The following SLC25A43 variants were observed in gnomAD, a reference collection of about 807,000 sequenced individuals.
SLC25A43 encodes solute carrier family 25 member 43, also known as solute carrier family 25, member 43.
In SLC25A43, 10 loss-of-function variants were observed where a neutral mutation model predicts 22.8. The ratio of observed to expected loss-of-function variants is 0.44; its 90% CI spans 0.27 to 0.74. The LOEUF (loss-of-function observed/expected upper bound fraction) is 0.74, where lower values mean the gene tolerates loss of function less well. Ranked by LOEUF, SLC25A43 falls within the 30% of genes least tolerant of loss-of-function variation. SLC25A43 has a pLI of 0.17. For synonymous variants in SLC25A43, 106 were observed against 121.6 expected (o/e 0.87, Z 0.84); for missense variants, 233 against 279.1 (o/e 0.83, Z 1.18).
At chrX:119,416,455 A>G (rs866525765) in intron 3 of SLC25A43, among the ~76,000 whole-genome samples, 10 of 112,204 alleles carry the variant, frequency 8.9e-5, no homozygotes, top group African/African-American at 3.2e-4. Flanking sequence ...TCCTGGCCTC[A>G]TGATCTGCCC....
intron 1 of SLC25A43, among the ~76,000 whole-genome samples, chrX:119,404,523 C>G (rs1229802727): frequency 8.9e-6 from 1 of 111,918 alleles, no homozygotes; most frequent in African/African-American, 3.2e-5. Context: ...GCACGCCACC[C>G]TTCAGGAACC....
At chrX:119,450,000 C>A (rs1185542585) in intron 3 of SLC25A43, among the ~76,000 whole-genome samples, 1 of 111,379 alleles carries the variant, frequency 9.0e-6, no homozygotes, top group Non-Finnish European at 1.9e-5. Flanking sequence ...AAGAATAAAT[C>A]TGACACTGTC....
intron 3 of SLC25A43, among the ~76,000 whole-genome samples, chrX:119,434,257 C>T (rs1174789052): frequency 1.8e-5 from 2 of 109,683 alleles, no homozygotes; most frequent in African/African-American, 6.6e-5. Context: ...AACTAGAGGA[C>T]AGTCAGGATT....
In SLC25A43 at chrX:119,399,475, G is replaced by A. The variant is rs1412744485; in HGVS notation, c.72G>A (p.Thr24=). The A allele has an allele frequency of 3.7e-6, 4 of 1,069,903 alleles. No homozygotes were observed. The highest frequency in any genetic ancestry group is 7.9e-5 in the East Asian group (2 of 25,181). The allele number at this position is 1,069,903 out of a possible 1,213,427, so 88.2% of individuals were successfully genotyped here. The change falls in exon 1 of 5, where the codon ACG becomes ACA. Residue 24 remains threonine (T), a synonymous_variant. Coordinates refer to ENST00000217909, the MANE Select transcript of SLC25A43 (RefSeq NM_145305.3). ...TGCTGTGCGCTGGGCTGGCGGGGAC[G>A]CTCAGCCTCAGCCTCACCGCGCCCC... ...QRLLCAGLAG[T]LSLSLTAPLE...
At chrX:119,431,114 G>T (rs1460424190) in intron 3 of SLC25A43, among the ~76,000 whole-genome samples, 2 of 112,204 alleles carry the variant, frequency 1.8e-5, no homozygotes, top group African/African-American at 6.5e-5. Flanking sequence ...TTAGAGACTG[G>T]CGTTTATCCT....
At chrX:119,418,824 C>T (rs1213178873) in intron 3 of SLC25A43, among the ~76,000 whole-genome samples, 1 of 111,997 alleles carries the variant, frequency 8.9e-6, no homozygotes, top group African/African-American at 3.2e-5. Flanking sequence ...TTCACGGACC[C>T]CAACCACCCT....
At chrX:119,405,097 A>T (rs959379104) in intron 1 of SLC25A43, among the ~76,000 whole-genome samples, 1 of 111,967 alleles carries the variant, frequency 8.9e-6, no homozygotes, top group Non-Finnish European at 1.9e-5. Flanking sequence ...CCAACATTAT[A>T]ACAAGGACTA....
At chrX:119,432,014 TG>T (rs1310962804) in intron 3 of SLC25A43, among the ~76,000 whole-genome samples, 1 of 108,113 alleles carries the variant, frequency 9.2e-6, no homozygotes, top group East Asian at 2.9e-4. Context: ...CAGCTGGACA[TG>T]GTGGCAGGCA....
intron 3 of SLC25A43, among the ~76,000 whole-genome samples, chrX:119,430,700 G>A (rs2052544923): frequency 8.9e-6 from 1 of 112,296 alleles, no homozygotes; most frequent in Non-Finnish European, 1.9e-5. Context: ...AATCTCTAGG[G>A]GTGGATCCCA....
At chrX:119,420,178 A>G (rs1366221694) in intron 3 of SLC25A43, among the ~76,000 whole-genome samples, 1 of 111,651 alleles carries the variant, frequency 9.0e-6, no homozygotes, top group African/African-American at 3.3e-5. Context: ...GAGCTGGGAT[A>G]TAAGCCCAGG....
intron 3 of SLC25A43, among the ~76,000 whole-genome samples, chrX:119,444,703 C>CA (rs1188627062): frequency 2.3e-3 from 141 of 60,225 alleles, no homozygotes; most frequent in Admixed American, 5.7e-3. Flanking sequence ...AACTGTGTCT[C>CA]AAAAAAAAAA....
intron 3 of SLC25A43, among the ~76,000 whole-genome samples, chrX:119,442,954 T>C (rs1045242618): frequency 2.7e-5 from 3 of 111,145 alleles, no homozygotes; most frequent in African/African-American, 9.8e-5. Context: ...GCACTAGAGA[T>C]ACGAAAATTA....
intron 3 of SLC25A43, among the ~76,000 whole-genome samples, chrX:119,416,261 C>T (rs2052401437): frequency 9.1e-6 from 1 of 109,400 alleles, no homozygotes; most frequent in African/African-American, 3.3e-5. Context: ...GCTCTGTCGC[C>T]CATGCTGGAG....
At chrX:119,409,673 TGG>T (rs1420563958) in intron 2 of SLC25A43, among the ~76,000 whole-genome samples, 1 of 111,101 alleles carries the variant, frequency 9.0e-6, no homozygotes, top group Non-Finnish European at 1.9e-5. Context: ...TGGGGTGCCG[TGG>T]TGCGATCTCA....
In SLC25A43 at chrX:119,453,045, C is replaced by A. The variant is rs1227229969; in HGVS notation, c.1006C>A (p.Pro336Thr). 4.2e-6 allele frequency: 5 copies of A among 1,204,252 alleles called. No homozygotes were observed. The Admixed American group carries it at 1.1e-4, about 27-fold the overall frequency. Residue 336 changes from proline (P) to threonine (T), a missense_variant, in exon 5 of 5, where the codon CCT becomes ACT. Physicochemically the swap from Pro to Thr is conservative, Grantham distance 38. Transcript: ENST00000217909. The stretch of plus-strand genomic sequence containing the variant: ...GTTCTTCAAAACGAGAAAACCGAAG[C>A]CTAAAAAACCAACTCTATAAAATGG... ...KKFFKTRKPK[P>T]KKPTL
chrX:119,430,252 T>C (rs183461757), intron 3 of SLC25A43, among the ~76,000 whole-genome samples: 1 of 112,899 alleles, frequency 8.9e-6, no homozygotes, highest in Non-Finnish European at 1.9e-5. Context: ...TTCTTACAAG[T>C]TTAAATAATA....
Position 119,452,880 on chromosome X carries a change from G to A in SLC25A43, c.841G>A (p.Gly281Arg). Residue 281 changes from glycine to arginine, a missense_variant, in exon 5 of 5, where the codon GGA becomes AGA. By Grantham distance (125) the Gly-to-Arg change is moderately radical. Transcript: ENST00000217909. ...GTTTTAACAGATAGTTCCATATTTT[G>A]GAATTATGTTTAGCACCTTTGAGTT... ...ANLLKIVPYF[G>R]IMFSTFEFCK... is the part of the protein sequence containing the mutation. The A allele has an allele frequency of 8.3e-7, 1 of 1,206,695 alleles. No homozygotes were observed. The highest frequency in any genetic ancestry group is 1.1e-6 in the Non-Finnish European group (1 of 893,021).
intron 1 of SLC25A43, among the ~76,000 whole-genome samples, chrX:119,400,066 G>A (rs2052223755): frequency 8.9e-6 from 1 of 111,950 alleles, no homozygotes; most frequent in Non-Finnish European, 1.9e-5. Flanking sequence ...TGCTTAGGCT[G>A]GCTTAGGAAG....
intron 2 of SLC25A43, among the ~76,000 whole-genome samples, chrX:119,408,749 G>A (rs1014868126): frequency 1.4e-4 from 16 of 111,542 alleles, no homozygotes; most frequent in Non-Finnish European, 3.0e-4. Flanking sequence ...AAAGGTTCTG[G>A]AAGTTTGTGA....
Sources: gnomAD v4.1 joint callset for allele counts (sites outside exome capture counted in the v4.1 genomes callset) on GRCh38, gnomAD v4.1.1 for gene constraint, MANE v1.5 for transcripts, NCBI Gene and HGNC (gene_info 2026-07-23, HGNC 2026-07-21) for gene names.